The following AOX1 variants were observed in gnomAD, a reference collection of about 807,000 sequenced individuals.
AOX1 encodes the protein aldehyde oxidase 1, also known as aldehyde oxidase.
AOX1 carries 153 observed loss-of-function variants against 169.5 expected under a neutral mutation model. The observed-to-expected ratio is 0.90, with a 90% CI of 0.79 to 1.03. The LOEUF is 1.03. Ranked by LOEUF, AOX1 falls within the 50% of genes least tolerant of loss-of-function variation. AOX1 has a pLI of 0.00. For missense variants in AOX1, 1,656 were observed against 1,663.9 expected (o/e 1.00, Z 0.08); for synonymous variants, 562 against 581.9 (o/e 0.97, Z 0.49).
chr2:200,666,922 A>G (rs1047244452), intron 32 of AOX1, among the ~76,000 whole-genome samples, 170 bp downstream of exon 32: 1 of 152,130 alleles, frequency 6.6e-6, no homozygotes, highest in African/African-American at 2.4e-5. Context: ...TAAAAGGGGG[A>G]AGGAAATAAA....
chr2:200,641,730 C>T (rs1238990410), intron 24 of AOX1, among the ~76,000 whole-genome samples: 1 of 151,990 alleles, frequency 6.6e-6, no homozygotes, highest in Non-Finnish European at 1.5e-5. Context: ...GATGGGTTCT[C>T]ACTATGTTGC....
At chr2:200,635,039 G>T (rs1296097588) in intron 21 of AOX1, 124 bp downstream of exon 21, 2 of 1,183,222 alleles carry the variant, frequency 1.7e-6, no homozygotes, top group African/African-American at 3.0e-5. Context: ...TTGAACCCAG[G>T]AGCTCAAGGC....
chr2:200,667,260 G>A (rs2105776415), intron 32 of AOX1, among the ~76,000 whole-genome samples: 1 of 152,294 alleles, frequency 6.6e-6, no homozygotes, highest in South Asian at 2.1e-4. Context: ...CTTGAAAACA[G>A]AAAGTTTGCC....
chr2:200,653,569 G>A (rs2035622328), intron 26 of AOX1, among the ~76,000 whole-genome samples: 1 of 152,192 alleles, frequency 6.6e-6, no homozygotes, highest in Non-Finnish European at 1.5e-5. Flanking sequence ...GGCAGAACAA[G>A]GATTCAACTT....
chr2:200,625,705 G>A (rs1463749577), intron 19 of AOX1, among the ~76,000 whole-genome samples: 1 of 152,116 alleles, frequency 6.6e-6, no homozygotes, highest in East Asian at 1.9e-4. Flanking sequence ...AGAGCAAGCA[G>A]CCAGTGAAGT....
chr2:200,668,110 ATT>A (rs201768945), intron 32 of AOX1, among the ~76,000 whole-genome samples: 2 of 141,008 alleles, frequency 1.4e-5, no homozygotes, highest in African/African-American at 5.6e-5. Context: ...TATTATTATT[ATT>A]TTTTTTTTTT....
In AOX1 at chr2:200,623,875, T is replaced by C. The variant is rs1427442326; in HGVS notation, c.2016T>C (p.Gly672=). The change falls in exon 19 of 35, where the codon GGT becomes GGC. Residue 672 remains glycine, a synonymous_variant. Transcript: ENST00000374700. ...CTGTGTCGTAGGTGTTCTGTGTGGG[T>C]CAGCTTGTCTGTGCTGTGCTTGCCG... ...FLATDKVFCV[G]QLVCAVLADS... The C allele has an allele frequency of 6.2e-7, 1 of 1,613,996 alleles. No individual in the cohort carries two copies. Among genetic ancestry groups the C allele is most frequent in the African/African-American group, 1.3e-5 (1 of 75,046 alleles).
chr2:200,641,246 T>C, intron 24 of AOX1, 62 bp downstream of exon 24: 1 of 1,150,448 alleles, frequency 8.7e-7, no homozygotes. Context: ...ATAATTTAAC[T>C]TAGAAAATGC....
rs1006368296 is a variant in AOX1, at chr2:200,602,316, A to G, written c.469A>G (p.Ile157Val). The G allele has an allele frequency of 6.2e-7, 1 of 1,613,980 alleles. No homozygotes were observed. Among genetic ancestry groups the G allele is most frequent in the Non-Finnish European group, 8.5e-7 (1 of 1,179,944 alleles). Residue 157 changes from isoleucine (I) to valine (V), a missense_variant, in exon 6 of 35, where the codon ATA becomes GTA. By Grantham distance (29) the Ile-to-Val change is conservative. Transcript: ENST00000374700. ...NLCRCTGYRPIIDACKTFCKT... is the reference protein window; with the variant it reads ...NLCRCTGYRPVIDACKTFCKT... ...GTGCCGTTGCACTGGATACAGGCCC[A>G]TAATTGATGCATGCAAGACTTTCTG...
chr2:200,620,955 C>G (rs1025913635), intron 17 of AOX1, 136 bp downstream of exon 17: 6 of 1,299,762 alleles, frequency 4.6e-6, no homozygotes, highest in Non-Finnish European at 6.4e-6. Flanking sequence ...GAAACAGGAT[C>G]GAAATGTAGG....
chr2:200,610,777 C>T (rs545749757), intron 12 of AOX1, among the ~76,000 whole-genome samples: 1 of 152,266 alleles, frequency 6.6e-6, no homozygotes, highest in African/African-American at 2.4e-5. Flanking sequence ...AGGAAGAGGA[C>T]TGCTAAGGTT....
At chr2:200,593,085 C>A in intron 1 of AOX1, 61 bp from the exon 2 acceptor site, 1 of 1,280,014 alleles carries the variant, frequency 7.8e-7, no homozygotes, top group South Asian at 1.2e-5. Context: ...TTAGTGTGAT[C>A]CTACCAATGT....
intron 10 of AOX1, among the ~76,000 whole-genome samples, chr2:200,605,945 T>G (rs2034506575): frequency 6.6e-6 from 1 of 152,240 alleles, no homozygotes. Context: ...GCCTGTTCAC[T>G]CTGACACTAA....
chr2:200,649,048 C>A (rs1015142417), intron 25 of AOX1, among the ~76,000 whole-genome samples: 1 of 152,146 alleles, frequency 6.6e-6, no homozygotes. Flanking sequence ...GTTTCTCCCC[C>A]TGCCTGTGGA....
intron 10 of AOX1, among the ~76,000 whole-genome samples, chr2:200,606,317 G>T (rs913076936): frequency 6.6e-6 from 1 of 152,114 alleles, no homozygotes; most frequent in Non-Finnish European, 1.5e-5. Flanking sequence ...TATTTCTAAG[G>T]TCTCTGTTCT....
chr2:200,593,396 A>G (rs1214102263), intron 2 of AOX1, among the ~76,000 whole-genome samples, 193 bp downstream of exon 2: 3 of 152,310 alleles, frequency 2.0e-5, no homozygotes, highest in South Asian at 2.1e-4. Context: ...AGAAGAACCA[A>G]TTTTCTTCTA....
intron 18 of AOX1, among the ~76,000 whole-genome samples, chr2:200,623,228 A>G (rs1241312846): frequency 6.6e-6 from 1 of 152,072 alleles, no homozygotes; most frequent in African/African-American, 2.4e-5. Flanking sequence ...TCTTTTCCCC[A>G]TCTAAATTTC....
downstream of AOX1, among the ~76,000 whole-genome samples, chr2:200,675,508 A>G (rs2036083060): frequency 6.6e-6 from 1 of 152,192 alleles, no homozygotes; most frequent in Non-Finnish European, 1.5e-5. Flanking sequence ...ATTAAGGAAC[A>G]CATTTTAGAA....
chr2:200,682,109 T>A, the AOX1 span, among the ~76,000 whole-genome samples: 1 of 152,228 alleles, frequency 6.6e-6, no homozygotes, highest in African/African-American at 2.4e-5. Flanking sequence ...TTCAGAAACT[T>A]TTTTATTCTG....
Sources: gnomAD v4.1 joint callset for allele counts (sites outside exome capture counted in the v4.1 genomes callset) on GRCh38, gnomAD v4.1.1 for gene constraint, MANE v1.5 for transcripts, NCBI Gene and HGNC (gene_info 2026-07-23, HGNC 2026-07-21) for gene names.